The following ANAPC1 variants were observed in gnomAD, a reference collection of about 807,000 sequenced individuals.
The protein encoded by ANAPC1 is anaphase-promoting complex subunit 1.
Under a neutral mutation model 208.0 loss-of-function variants are expected in ANAPC1, and 36 were observed. That is an observed-to-expected ratio of 0.17 (90% CI 0.13 to 0.23). ANAPC1 has a LOEUF of 0.23. Among genes scored for constraint, ANAPC1 ranks in the 10% least tolerant of loss-of-function variants. The pLI, the probability that ANAPC1 is intolerant of heterozygous loss-of-function variation, is 1.00. For synonymous variants in ANAPC1, 378 were observed against 695.2 expected (o/e 0.54, Z 7.18); for missense variants, 942 against 2,011.6 (o/e 0.47, Z 10.17).
intron 1 of ANAPC1, among the ~76,000 whole-genome samples, chr2:111,881,462 C>G (rs1221954146): frequency 6.6e-6 from 1 of 152,042 alleles, no homozygotes; most frequent in East Asian, 1.9e-4. Flanking sequence ...CCCAAAGAAC[C>G]GAGGCATGAA....
chr2:111,877,475 T>C (rs1299127449), intron 3 of ANAPC1, among the ~76,000 whole-genome samples: 4 of 152,086 alleles, frequency 2.6e-5, no homozygotes, highest in Non-Finnish European at 5.9e-5. Flanking sequence ...CATCAGCCAG[T>C]TTTAATAATT....
chr2:111,802,953 T>C (rs1212117311), intron 32 of ANAPC1: 4 of 202,734 alleles, frequency 2.0e-5, no homozygotes, highest in Non-Finnish European at 3.7e-5. Context: ...ATGCAAAGTG[T>C]AAGCATAAAT....
intron 17 of ANAPC1, among the ~76,000 whole-genome samples, chr2:111,839,486 C>T (rs1680643309): frequency 6.6e-6 from 1 of 152,164 alleles, no homozygotes; most frequent in South Asian, 2.1e-4. Flanking sequence ...ATGGCAATGG[C>T]TATTTTCCTA....
In ANAPC1 at chr2:111,884,114, G is replaced by T. The variant is rs1033407500; in HGVS notation, c.-197C>A. 1 of 152,304 alleles carries T rather than the reference G, an allele frequency of 6.6e-6. No individual in the cohort carries two copies. Among genetic ancestry groups the T allele is most frequent in the Non-Finnish European group, 1.5e-5 (1 of 68,108 alleles). 9.4% of individuals were successfully genotyped at this position (152,304 alleles called of 1,614,324 possible). ...TGGAGGAAGAACGGGCAACAGCAGC[G>T]GGCTCGAGTGCTAATGGCAGGAAGG... On this transcript the variant is annotated 5_prime_UTR_variant, in exon 1 of 48. Coordinates refer to ENST00000341068, the MANE Select transcript of ANAPC1 (RefSeq NM_022662.4).
chr2:111,839,405 G>C (rs957152226), intron 17 of ANAPC1, among the ~76,000 whole-genome samples: 68 of 152,090 alleles, frequency 4.5e-4, no homozygotes, highest in African/African-American at 1.6e-3. Context: ...AATTTCCCCT[G>C]GCATAATCTT....
At chr2:111,839,687 T>C (rs1680657570) in intron 17 of ANAPC1, among the ~76,000 whole-genome samples, 2 of 152,120 alleles carry the variant, frequency 1.3e-5, no homozygotes, top group Non-Finnish European at 2.9e-5. Context: ...GTAGTAACAG[T>C]GAAATCAAAG....
In ANAPC1 at chr2:111,768,189, T is replaced by C. The variant is rs1199584183; in HGVS notation, c.*1102A>G. On this transcript the variant is annotated 3_prime_UTR_variant, in exon 48 of 48. Transcript: ENST00000341068. ...AGCAGGGAGCATTCTTCCTCCTGTG[T>C]TGGCAACTCGAAGCTGGAGGTGCCT... is the stretch of plus-strand genomic sequence containing the variant. 2 of 152,262 alleles carry C rather than the reference T, an allele frequency of 1.3e-5. No individual in the cohort carries two copies. The highest frequency in any genetic ancestry group is 2.9e-5 in the Non-Finnish European group (2 of 68,062). 9.4% of individuals were successfully genotyped at this position (152,262 alleles called of 1,614,324 possible). A position where few individuals can be genotyped will look rare whatever the true frequency, so the allele number is the denominator to read the frequency against.
chr2:111,819,961 TTA>T lies in ANAPC1; in HGVS notation c.3207-1005_3207-1004del, dbSNP rs566120749. On this transcript the variant is annotated intron_variant, in intron 26 of 47. Coordinates refer to ENST00000341068, the MANE Select transcript of ANAPC1 (RefSeq NM_022662.4). ...GGCTGTTGCAACCCATAGAATTTTTTTAGAGGAAATCTTACACATAATTCACT... is the reference window on the plus strand; with the variant it reads ...GGCTGTTGCAACCCATAGAATTTTTTGAGGAAATCTTACACATAATTCACT... Among the ~76,000 whole-genome samples the T allele has an allele frequency of 7.0e-4, 106 of 152,304 alleles. No homozygotes were observed. In the East Asian group the frequency reaches 0.02, roughly 28 times the overall value.
At chr2:111,776,544 T>TA (rs1558657090) in intron 46 of ANAPC1, among the ~76,000 whole-genome samples, 1 of 81,126 alleles carries the variant, frequency 1.2e-5, no homozygotes, top group Non-Finnish European at 2.7e-5. Context: ...GCCACACCCC[T>TA]AGGAAACAGG....
Position 111,843,496 on chromosome 2 carries a change from ACTGGGTCCTC to A in ANAPC1, c.1946_1955del (p.Gly649ValfsTer10). ...CAAATAAATTCCACTCTGAGTGATA[ACTGGGTCCTC>A]CTGGAGCACTGTGGACATTGTACCA... On this transcript the variant is annotated frameshift_variant, in exon 17 of 48. Coordinates refer to ENST00000341068, the MANE Select transcript of ANAPC1 (RefSeq NM_022662.4). LOFTEE classifies it high-confidence loss of function. 6.2e-7 allele frequency: 1 copy of A among 1,612,008 alleles called. No individual in the cohort carries two copies. Among genetic ancestry groups the A allele is most frequent in the South Asian group, 1.1e-5 (1 of 90,986 alleles).
intron 39 of ANAPC1, among the ~76,000 whole-genome samples, chr2:111,787,076 G>A (rs1677595804): frequency 6.9e-6 from 1 of 145,304 alleles, no homozygotes; most frequent in East Asian, 2.1e-4. Context: ...ATGAACCCGG[G>A]AGGCGGAGCT....
At chr2:111,859,308 C>A (rs1573480879) in intron 10 of ANAPC1, among the ~76,000 whole-genome samples, 2 of 152,112 alleles carry the variant, frequency 1.3e-5, no homozygotes, top group South Asian at 4.1e-4. Context: ...CATGGAGAAA[C>A]CCCGTCTCTA....
chr2:111,812,972 GAC>G (rs1301894221), intron 28 of ANAPC1, among the ~76,000 whole-genome samples: 7 of 108,758 alleles, frequency 6.4e-5, no homozygotes, highest in African/African-American at 2.4e-4. Context: ...CTGTAAGGGA[GAC>G]TACTGGAAGA....
intron 6 of ANAPC1, among the ~76,000 whole-genome samples, chr2:111,869,174 T>C (rs372329152): frequency 2.6e-5 from 4 of 152,214 alleles, no homozygotes; most frequent in East Asian, 3.8e-4. Flanking sequence ...AAGGAAACTA[T>C]AGCTAAGAAA....
chr2:111,859,105 T>A (rs1227423583), intron 10 of ANAPC1, among the ~76,000 whole-genome samples: 1 of 152,192 alleles, frequency 6.6e-6, no homozygotes, highest in Non-Finnish European at 1.5e-5. Context: ...ATTTCTCCTA[T>A]CTACCCCCTC....
intron 21 of ANAPC1, among the ~76,000 whole-genome samples, chr2:111,827,169 T>G (rs1476451432): frequency 6.6e-6 from 1 of 152,130 alleles, no homozygotes; most frequent in Non-Finnish European, 1.5e-5. Context: ...CGAATAGTGC[T>G]CTCTCACTAT....
At chr2:111,858,068 C>T (rs529843632) in intron 11 of ANAPC1, among the ~76,000 whole-genome samples, 1 of 152,048 alleles carries the variant, frequency 6.6e-6, no homozygotes, top group African/African-American at 2.4e-5. Context: ...TACAAACAAG[C>T]ACAAGGAAAT....
chr2:111,838,525 C>A lies in ANAPC1; in HGVS notation c.2041-13G>T. The A allele has an allele frequency of 6.3e-7, 1 of 1,586,284 alleles. No individual in the cohort carries two copies. Among genetic ancestry groups the A allele is most frequent in the Non-Finnish European group, 8.5e-7 (1 of 1,169,924 alleles). On this transcript the variant is annotated splice_polypyrimidine_tract_variant and intron_variant, in intron 17 of 47. Transcript: ENST00000341068. ...CTTCAAAGTCAAACTGAAAAGTAAC[C>A]CCAAAAGAAAAGATAAAAATCGTAA...
At chr2:111,777,148 C>T (rs1456922189) in intron 45 of ANAPC1, 91 bp from the exon 46 acceptor site, 6 of 597,338 alleles carry the variant, frequency 1.0e-5, no homozygotes, top group South Asian at 6.0e-5. Flanking sequence ...TTAAATGTGG[C>T]TCCGAATTAT....
Sources: gnomAD v4.1 joint callset for allele counts (sites outside exome capture counted in the v4.1 genomes callset) on GRCh38, gnomAD v4.1.1 for gene constraint, MANE v1.5 for transcripts, NCBI Gene and HGNC (gene_info 2026-07-23, HGNC 2026-07-21) for gene names.